The following NPR1 variants were observed in gnomAD, a reference collection of about 807,000 sequenced individuals.
The protein encoded by NPR1 is natriuretic peptide receptor 1.
A neutral mutation model predicts 116.9 loss-of-function variants in NPR1; 57 were observed. That is an observed-to-expected ratio of 0.49 (90% confidence interval 0.39 to 0.61). The LOEUF is 0.61. Among genes scored for constraint, NPR1 ranks in the 20% least tolerant of loss-of-function variants. The probability of loss-of-function intolerance (pLI) is 0.00; values close to 1 mark genes in which losing one functional copy is unlikely to be tolerated. For synonymous variants in NPR1, 555 were observed against 601.6 expected (o/e 0.92, Z 1.13); for missense variants, 1,096 against 1,409.8 (o/e 0.78, Z 3.56).
chr1:153,687,177 C>T (rs368316665), intron 12 of NPR1, 23 bp from the exon 13 acceptor site: 30 of 1,613,948 alleles, frequency 1.9e-5, no homozygotes, highest in Non-Finnish European at 2.3e-5. Flanking sequence ...CTGGCCAATA[C>T]CTCTGCCCAC....
intron 20 of NPR1, among the ~76,000 whole-genome samples, chr1:153,692,309 C>T (rs919938578): frequency 6.6e-6 from 1 of 152,180 alleles, no homozygotes; most frequent in Non-Finnish European, 1.5e-5. Flanking sequence ...GAGGTTCATA[C>T]TGAGGCAGTG....
chr1:153,690,739 C>T (rs956204617), intron 20 of NPR1, among the ~76,000 whole-genome samples: 6 of 151,650 alleles, frequency 4.0e-5, no homozygotes, highest in Admixed American at 1.3e-4. Context: ...GTCGGGGGTT[C>T]GAGACCAGCC....
intron 7 of NPR1, 66 bp downstream of exon 7, chr1:153,683,890 G>A: frequency 7.0e-7 from 1 of 1,431,990 alleles, no homozygotes; most frequent in Non-Finnish European, 9.8e-7. Flanking sequence ...AGAGGAGGCG[G>A]TGGGGACCCA....
chr1:153,693,250 AC>A (rs1224334421), intron 21 of NPR1, 53 bp downstream of exon 21: 1 of 1,600,040 alleles, frequency 6.2e-7, no homozygotes. Flanking sequence ...AGAGGGAGTT[AC>A]CCTTCTCAAG....
Position 153,678,791 on chromosome 1 carries a change from C to G in NPR1, c.-318C>G, listed in dbSNP as rs934033102. 13 of 341,378 alleles carry G rather than the reference C, an allele frequency of 3.8e-5. No individual in the cohort carries two copies. Among genetic ancestry groups the G allele is most frequent in the Admixed American group, 6.5e-5 (1 of 15,374 alleles). 21.1% of individuals were successfully genotyped at this position (341,378 alleles called of 1,614,324 possible). ...TCTTCACGAAGCGCTCACTCGCACC[C>G]TTTCTCTCTCTCTCTCTCTCTCTCT... On this transcript the variant is annotated 5_prime_UTR_variant, in exon 1 of 22. Coordinates refer to ENST00000368680, the MANE Select transcript of NPR1 (RefSeq NM_000906.4). This position sits in a 1 kb window ranked among gnomAD's most constrained non-coding sequence, Gnocchi z 5.8.
chr1:153,693,269 T>C (rs769086858), intron 21 of NPR1, 72 bp downstream of exon 21: 1 of 1,598,404 alleles, frequency 6.3e-7, no homozygotes, highest in South Asian at 1.1e-5. Flanking sequence ...AAGCAGCCAA[T>C]GCCACTCCCA....
At chr1:153,683,285 G>A in intron 5 of NPR1, 91 bp from the exon 6 acceptor site, 1 of 1,449,010 alleles carries the variant, frequency 6.9e-7, no homozygotes. Flanking sequence ...TCTAGAAGCA[G>A]AGCTGGGGTA....
At chr1:153,683,276 C>T in intron 5 of NPR1, 100 bp from the exon 6 acceptor site, 1 of 1,393,022 alleles carries the variant, frequency 7.2e-7, no homozygotes, top group Non-Finnish European at 9.7e-7. Context: ...TATGTAGGCT[C>T]TAGAAGCAGA....
Position 153,685,827 on chromosome 1 carries a change from C to T in NPR1, c.1627C>T (p.Leu543=), listed in dbSNP as rs1423324524. The T allele has an allele frequency of 1.2e-6, 2 of 1,614,088 alleles. No individual in the cohort carries two copies. Among genetic ancestry groups the T allele is most frequent in the Non-Finnish European group, 8.5e-7 (1 of 1,180,046 alleles). ...LSGRGSNYGS[L]LTTEGQFQVF... ...TCAGAGAGGCTCCAATTACGGCTCC[C>T]TGCTAACCACAGAGGGCCAGTTCCA... The change falls in exon 9 of 22, where the codon CTG becomes TTG. Residue 543 remains leucine, a synonymous_variant. Transcript: ENST00000368680.
At chr1:153,681,136 T>C in intron 2 of NPR1, 44 bp from the exon 3 acceptor site, 1 of 1,221,094 alleles carries the variant, frequency 8.2e-7, no homozygotes, top group Non-Finnish European at 1.2e-6. Flanking sequence ...TACTAGGGAA[T>C]AGTCAGCTCC....
chr1:153,688,429 T>C lies in NPR1; in HGVS notation c.2417+208T>C, dbSNP rs1429347826. On this transcript the variant is annotated intron_variant, in intron 15 of 21. Transcript: ENST00000368680. ...TGTCCCCACAGTCCCCTGCCATTCA[T>C]GCCCCTTCCCTCCACCATCGACACC... 3.9e-5 allele frequency among the ~76,000 whole-genome samples: 6 copies of C among 152,276 alleles called. 1 individual carries two copies. Among genetic ancestry groups the C allele is most frequent in the Middle Eastern group, 3.4e-3 (1 of 294 alleles).
In NPR1 at chr1:153,685,055, A is replaced by G. The variant is rs770388487; in HGVS notation, c.1576A>G (p.Ser526Gly). Reference sequence around the variant, plus strand: ...CAGTAGCCTTGAGAGGCACCTGCGGAGTGCAGGCAGCCGGCTGACCCTGAG... The same window carrying G: ...CAGTAGCCTTGAGAGGCACCTGCGGGGTGCAGGCAGCCGGCTGACCCTGAG... ...EPSSLERHLR[S>G]AGSRLTLSGR... The change falls in exon 8 of 22, where the codon AGT (serine) becomes GGT (glycine). Residue 526 changes from serine to glycine, a missense_variant. Coordinates refer to ENST00000368680, the MANE Select transcript of NPR1 (RefSeq NM_000906.4). The G allele has an allele frequency of 2.1e-5, 34 of 1,613,818 alleles. No homozygotes were observed. Among genetic ancestry groups the G allele is most frequent in the Non-Finnish European group, 2.9e-5 (34 of 1,179,956 alleles).
At chr1:153,685,184 C>T (rs1430326374) in intron 8 of NPR1, 100 bp downstream of exon 8, 2 of 1,465,914 alleles carry the variant, frequency 1.4e-6, no homozygotes, top group Non-Finnish European at 1.8e-6. Flanking sequence ...CTAGTCCCAG[C>T]TCTGCTTTCA....
Position 153,679,777 on chromosome 1 carries a change from C to T in NPR1, c.669C>T (p.Asp223=). The T allele has an allele frequency of 6.4e-7, 1 of 1,561,114 alleles. No homozygotes were observed. Among genetic ancestry groups the T allele is most frequent in the Non-Finnish European group, 8.6e-7 (1 of 1,157,710 alleles). Reference sequence around the variant, plus strand: ...TGGACCACCTGGAGTTCGCCGAGGACGACCTCAGCCACTACACCAGGCTGC... The same window carrying T: ...TGGACCACCTGGAGTTCGCCGAGGATGACCTCAGCCACTACACCAGGCTGC... ...ITVDHLEFAE[D]DLSHYTRLLR... The change falls in exon 1 of 22, where the codon GAC becomes GAT. Residue 223 remains aspartate, a synonymous_variant. Transcript: ENST00000368680. The surrounding 1 kb of genome is among the most constrained non-coding windows in gnomAD (Gnocchi z 4.2).
intron 4 of NPR1, 140 bp downstream of exon 4, chr1:153,681,979 C>T (rs1436126481): frequency 2.0e-6 from 2 of 1,002,624 alleles, no homozygotes; most frequent in Non-Finnish European, 2.9e-6. Context: ...TTTTCAGGCC[C>T]ATCCCTCAGA....
chr1:153,684,922 A>G, intron 7 of NPR1, 42 bp from the exon 8 acceptor site: 1 of 1,610,644 alleles, frequency 6.2e-7, no homozygotes, highest in Non-Finnish European at 8.5e-7. Flanking sequence ...GCCCTGGGTC[A>G]GCGGCTCAGC....
intron 7 of NPR1, among the ~76,000 whole-genome samples, chr1:153,684,417 G>T (rs1161234630): frequency 7.3e-6 from 1 of 137,140 alleles, no homozygotes; most frequent in Non-Finnish European, 1.5e-5. Context: ...TTTTGAGACG[G>T]AGTCTCGCTC....
At chr1:153,684,892 G>A (rs759854555) in intron 7 of NPR1, 72 bp from the exon 8 acceptor site, 140 of 1,592,872 alleles carry the variant, frequency 8.8e-5, no homozygotes, top group Non-Finnish European at 1.2e-4. Context: ...CGGCTCTGAG[G>A]AGGGGCTGCT....
intron 1 of NPR1, among the ~76,000 whole-genome samples, chr1:153,680,158 A>G (rs1669722458): frequency 7.4e-6 from 1 of 135,980 alleles, no homozygotes; most frequent in Non-Finnish European, 1.6e-5. Context: ...CTCTCCTCTC[A>G]TTGCGCCTCA....
Sources: gnomAD v4.1 joint callset for allele counts (sites outside exome capture counted in the v4.1 genomes callset) on GRCh38, gnomAD v4.1.1 for gene constraint, Gnocchi (gnomAD v3.1) non-coding constraint, MANE v1.5 for transcripts, NCBI Gene and HGNC (gene_info 2026-07-23, HGNC 2026-07-21) for gene names.